Variants in CFAP77 observed in about 807,000 individuals in gnomAD.
CFAP77 encodes the protein cilia- and flagella-associated protein 77.
A neutral mutation model predicts 31.1 loss-of-function variants in CFAP77; 25 were observed. That is an observed-to-expected ratio of 0.80 (90% confidence interval 0.59 to 1.12). CFAP77 has a LOEUF of 1.12. Ranked by LOEUF, CFAP77 falls within the 50% of genes most tolerant of loss-of-function variation. The pLI is 0.00. For missense variants in CFAP77, 377 were observed against 397.3 expected (o/e 0.95, Z 0.44); for synonymous variants, 151 against 159.9 (o/e 0.94, Z 0.42).
At chr9:132,559,338 C>CTGTCT (rs1198259409) in intron 5 of CFAP77, among the ~76,000 whole-genome samples, 19 of 39,192 alleles carry the variant, frequency 4.8e-4, no homozygotes, top group Non-Finnish European at 8.6e-4. Flanking sequence ...GAGTGAGACT[C>CTGTCT]TGTCTTGCAA....
chr9:132,504,594 G>C (rs1162264917), intron 3 of CFAP77, among the ~76,000 whole-genome samples: 1 of 152,228 alleles, frequency 6.6e-6, no homozygotes, highest in South Asian at 2.1e-4. Context: ...TGGCCATAAA[G>C]CTTTATCTTT....
At chr9:132,427,135 C>A (rs906042495) in intron 1 of CFAP77, among the ~76,000 whole-genome samples, 44 of 152,344 alleles carry the variant, frequency 2.9e-4, no homozygotes, top group African/African-American at 1.0e-3. Flanking sequence ...ACAGGTGGGC[C>A]AGCCTTGGCC....
chr9:132,547,452 A>ATCAT (rs936619431), intron 5 of CFAP77, among the ~76,000 whole-genome samples: 80 of 152,164 alleles, frequency 5.3e-4, no homozygotes, highest in Admixed American at 1.7e-3. Context: ...GGCTGTGGAG[A>ATCAT]TCATTCATTC....
At position 132,490,153 on chromosome 9, in the gene CFAP77, C is replaced by G. The variant is rs890977790; in HGVS notation, c.196-8542C>G. ...CAGAAGGGGATAAAAAGGGCGAACT[C>G]CCTCCATCAAGGCCTTTTATAAGGG... On this transcript the variant is annotated intron_variant, in intron 1 of 5. Coordinates refer to ENST00000393216, the MANE Select transcript of CFAP77 (RefSeq NM_001282957.2). The surrounding 1 kb of genome is among the most constrained non-coding windows in gnomAD (Gnocchi z 4.6). Among the ~76,000 whole-genome samples, 21 of 152,074 alleles carry G rather than the reference C, an allele frequency of 1.4e-4. No homozygotes were observed. Among genetic ancestry groups the G allele is most frequent in the African/African-American group, 4.8e-4 (20 of 41,392 alleles).
rs560714895 is a variant in CFAP77 at position 132,540,470 on chromosome 9, G to A, written c.631-2476G>A. ...TGATTAAACAAGGCCCCACCATACT[G>A]TGCCTGTTGGGGGAGGAAAATGTCT... On this transcript the variant is annotated intron_variant, in intron 4 of 5. Transcript: ENST00000393216. 5.9e-5 allele frequency among the ~76,000 whole-genome samples: 9 copies of A among 152,314 alleles called. No individual in the cohort carries two copies. In the East Asian group the frequency reaches 1.7e-3, roughly 29 times the overall value.
At chr9:132,530,309 T>G (rs1384239604) in intron 3 of CFAP77, among the ~76,000 whole-genome samples, 1 of 151,244 alleles carries the variant, frequency 6.6e-6, no homozygotes, top group African/African-American at 2.4e-5. Context: ...TCTCTCTCTC[T>G]CTGTCACCCA....
chr9:132,439,711 T>C (rs988949051), intron 1 of CFAP77, among the ~76,000 whole-genome samples: 1 of 151,648 alleles, frequency 6.6e-6, no homozygotes, highest in Non-Finnish European at 1.5e-5. Flanking sequence ...TAGCCGGGCG[T>C]GGTGGCGGGC....
In CFAP77 at chr9:132,455,429, A is replaced by G. The variant is rs1055830722; in HGVS notation, c.196-43266A>G. ...GGCTGAGGCAGGGAGGACTGCTTGA[A>G]ACCAGGAGGTGGAGGTTGCGGTGAG... On this transcript the variant is annotated intron_variant, in intron 1 of 5. Coordinates refer to ENST00000393216, the MANE Select transcript of CFAP77 (RefSeq NM_001282957.2). This position sits in a 1 kb window ranked among gnomAD's most constrained non-coding sequence, Gnocchi z 4.1. Among the ~76,000 whole-genome samples the G allele has an allele frequency of 6.6e-6, 1 of 151,712 alleles. No individual in the cohort carries two copies. Among genetic ancestry groups the G allele is most frequent in the Non-Finnish European group, 1.5e-5 (1 of 67,912 alleles).
intron 5 of CFAP77, among the ~76,000 whole-genome samples, chr9:132,561,600 C>G (rs1829806828): frequency 7.8e-6 from 1 of 129,016 alleles, no homozygotes. Flanking sequence ...CATTGAGGTG[C>G]ATGTACACAC....
chr9:132,507,198 C>T (rs1304078539), intron 3 of CFAP77, among the ~76,000 whole-genome samples: 4 of 152,224 alleles, frequency 2.6e-5, no homozygotes, highest in African/African-American at 7.2e-5. Context: ...CTGGATGCTC[C>T]AGGCCTGCTT....
intron 3 of CFAP77, among the ~76,000 whole-genome samples, chr9:132,502,185 A>G (rs1204848468): frequency 6.8e-6 from 1 of 147,248 alleles, no homozygotes; most frequent in Non-Finnish European, 1.5e-5. Flanking sequence ...TTCCATCCCT[A>G]GCTTATCTTT....
chr9:132,526,008 G>A (rs922298035), intron 3 of CFAP77, among the ~76,000 whole-genome samples: 1 of 152,120 alleles, frequency 6.6e-6, no homozygotes, highest in Non-Finnish European at 1.5e-5. Flanking sequence ...ATTGAAGGAT[G>A]TTTTTGTTTT....
In CFAP77 at chr9:132,487,028, G is replaced by A. The variant is rs116941235; in HGVS notation, c.196-11667G>A. Among the ~76,000 whole-genome samples, 11 of 152,370 alleles carry A rather than the reference G, an allele frequency of 7.2e-5. No homozygotes were observed. The East Asian group carries it at 1.7e-3, about 24-fold the overall frequency. On this transcript the variant is annotated intron_variant, in intron 1 of 5. Transcript: ENST00000393216. ...CGTGGGAACCAGACAGGGCTGGACT[G>A]GGTGGCGGGGCAGGCCTGAGGACGC... is the stretch of plus-strand genomic sequence containing the variant.
At position 132,462,250 on chromosome 9, in the gene CFAP77, CG is replaced by C. The variant is rs1308469437; in HGVS notation, c.196-36444del. Among the ~76,000 whole-genome samples, 560 of 152,260 alleles carry C rather than the reference CG, an allele frequency of 3.7e-3. 2 individuals carry two copies. The highest frequency in any genetic ancestry group is 0.013 in the African/African-American group (522 of 41,562). On this transcript the variant is annotated intron_variant, in intron 1 of 5. Coordinates refer to ENST00000393216, the MANE Select transcript of CFAP77 (RefSeq NM_001282957.2). ...CAGTGCCTGTGGCTGATCTCTAGGA[CG>C]TGTTTCTTGTGAGTTACTCTGGAAT...
At chr9:132,523,577 G>C (rs1351419755) in intron 3 of CFAP77, among the ~76,000 whole-genome samples, 2 of 152,154 alleles carry the variant, frequency 1.3e-5, no homozygotes, top group Non-Finnish European at 2.9e-5. Context: ...TTACAAATGT[G>C]ACCAGCTCAG....
chr9:132,499,664 A>T lies in CFAP77; in HGVS notation c.524+64A>T. ...GGTGGAGGTACCAGCTCAATCAGGG[A>T]CAAGGTCGGAGGGTGACAGGGAAGT... On this transcript the variant is annotated intron_variant, in intron 3 of 5. Transcript: ENST00000393216. The surrounding 1 kb of genome is among the most constrained non-coding windows in gnomAD (Gnocchi z 5.4). 6.8e-7 allele frequency: 1 copy of T among 1,469,142 alleles called. No individual in the cohort carries two copies. The highest frequency in any genetic ancestry group is 9.5e-7 in the Non-Finnish European group (1 of 1,051,458). The allele number at this position is 1,469,142 out of a possible 1,614,324, so 91.0% of individuals were successfully genotyped here.
At chr9:132,471,317 C>G (rs1038941805) in intron 1 of CFAP77, among the ~76,000 whole-genome samples, 1 of 152,116 alleles carries the variant, frequency 6.6e-6, no homozygotes, top group African/African-American at 2.4e-5. Flanking sequence ...AGCTATGAAC[C>G]CAGCTCCCCA....
chr9:132,494,994 C>T (rs1851718852), intron 1 of CFAP77, among the ~76,000 whole-genome samples: 1 of 152,202 alleles, frequency 6.6e-6, no homozygotes, highest in South Asian at 2.1e-4. Flanking sequence ...CTCTGCTTCC[C>T]ACATCAAATA....
Position 132,517,737 on chromosome 9 carries a change from A to G in CFAP77, c.524+18137A>G, listed in dbSNP as rs1852172566. Among the ~76,000 whole-genome samples the G allele has an allele frequency of 1.3e-5, 2 of 152,232 alleles. No homozygotes were observed. The highest frequency in any genetic ancestry group is 2.9e-5 in the Non-Finnish European group (2 of 68,038). On this transcript the variant is annotated intron_variant, in intron 3 of 5. Coordinates refer to ENST00000393216, the MANE Select transcript of CFAP77 (RefSeq NM_001282957.2). This position sits in a 1 kb window ranked among gnomAD's most constrained non-coding sequence, Gnocchi z 4.7. ...TGGCAGAGCGGAGCCGCACCGGCAA[A>G]TCAGAGCTGTCAGCCCTCATCCCCC...
Sources: gnomAD v4.1 joint callset for allele counts (sites outside exome capture counted in the v4.1 genomes callset) on GRCh38, gnomAD v4.1.1 for gene constraint, Gnocchi (gnomAD v3.1) non-coding constraint, MANE v1.5 for transcripts, NCBI Gene and HGNC (gene_info 2026-07-23, HGNC 2026-07-21) for gene names.